Variants in SEMA6A observed in about 807,000 individuals in gnomAD.
SEMA6A encodes the protein semaphorin 6A.
SEMA6A carries 25 observed loss-of-function variants against 96.8 expected under a neutral mutation model. That is an observed-to-expected ratio of 0.26 (90% CI 0.19 to 0.36). The LOEUF is 0.36. Among genes scored for constraint, SEMA6A ranks in the 10% least tolerant of loss-of-function variants. The pLI is 1.00. For synonymous variants in SEMA6A, 612 were observed against 518.0 expected, an observed-to-expected ratio of 1.18 and a Z score of -2.46; for missense variants, 1,363 against 1,323.1, an observed-to-expected ratio of 1.03 and a Z score of -0.47.
At chr5:116,555,665 C>G (rs1275676598) in intron 1 of SEMA6A, among the ~76,000 whole-genome samples, 1 of 151,114 alleles carries the variant, frequency 6.6e-6, no homozygotes, top group Admixed American at 6.6e-5. Context: ...ATGGCAAGAC[C>G]CCCCCTCAAA....
intron 1 of SEMA6A, among the ~76,000 whole-genome samples, chr5:116,515,692 C>G (rs1758638257): frequency 6.6e-6 from 1 of 152,196 alleles, no homozygotes; most frequent in Non-Finnish European, 1.5e-5. Context: ...TCTGTTTACT[C>G]TCAGTATAGT....
intron 1 of SEMA6A, among the ~76,000 whole-genome samples, chr5:116,542,867 A>G (rs558966552): frequency 8.7e-4 from 132 of 152,170 alleles, no homozygotes; most frequent in African/African-American, 3.1e-3. Context: ...CCTGGCAATC[A>G]CTTCCTTTAA....
intron 18 of SEMA6A, among the ~76,000 whole-genome samples, chr5:116,460,565 T>C (rs1755321484): frequency 6.6e-6 from 1 of 152,166 alleles, no homozygotes; most frequent in Non-Finnish European, 1.5e-5. Context: ...TAAAAGTATG[T>C]CCTATGCAAT....
At chr5:116,477,106 TA>T (rs1261466313) in intron 15 of SEMA6A, among the ~76,000 whole-genome samples, 3 of 152,224 alleles carry the variant, frequency 2.0e-5, no homozygotes, top group Non-Finnish European at 4.4e-5. Flanking sequence ...TCTAACCTCC[TA>T]AACTGCCTGC....
chr5:116,470,178 T>G lies in SEMA6A; in HGVS notation c.1730-2431A>C, dbSNP rs145771739. On this transcript the variant is annotated intron_variant, in intron 17 of 18. Coordinates refer to ENST00000343348, the MANE Select transcript of SEMA6A (RefSeq NM_020796.5). ...AGTCCTCAGTTTGAATTCAAAGATG[T>G]GTTATTACCTCTCCAAGCTTAAAAA... Among the ~76,000 whole-genome samples, 849 of 152,262 alleles carry G rather than the reference T, an allele frequency of 5.6e-3. 11 individuals carry two copies. Among genetic ancestry groups the G allele is most frequent in the African/African-American group, 0.019 (778 of 41,556 alleles).
At chr5:116,478,311 CAT>C (rs749107554) in intron 13 of SEMA6A, 157 bp from the exon 14 acceptor site, 31 of 824,496 alleles carry the variant, frequency 3.8e-5, no homozygotes, top group Non-Finnish European at 5.5e-5. Flanking sequence ...TAAACACACA[CAT>C]GTATATGTAT....
chr5:116,448,766 A>AAAC (rs1754440877), intron 18 of SEMA6A, among the ~76,000 whole-genome samples: 3 of 151,600 alleles, frequency 2.0e-5, no homozygotes, highest in Non-Finnish European at 3.0e-5. Context: ...AAAAAAAAAA[A>AAAC]AAAAAAAAAA....
intron 1 of SEMA6A, among the ~76,000 whole-genome samples, chr5:116,510,907 C>A (rs758175089): frequency 6.6e-6 from 1 of 152,162 alleles, no homozygotes; most frequent in Non-Finnish European, 1.5e-5. Flanking sequence ...AAGTGGGGGT[C>A]TACTGAGTAT....
intron 18 of SEMA6A, among the ~76,000 whole-genome samples, chr5:116,452,643 T>G (rs185729360): frequency 2.2e-4 from 34 of 151,990 alleles, no homozygotes; most frequent in Admixed American, 5.9e-4. Flanking sequence ...TGTTAATAAA[T>G]TTTGAAATAT....
chr5:116,478,491 C>T, intron 13 of SEMA6A, 51 bp downstream of exon 13: 2 of 1,497,962 alleles, frequency 1.3e-6, no homozygotes, highest in Non-Finnish European at 1.8e-6. Context: ...TGAAAGGGGC[C>T]ATAATAGCAT....
Position 116,446,934 on chromosome 5 carries a change from C to T in SEMA6A, c.2772G>A (p.Ser924=), listed in dbSNP as rs537834032. The part of the protein sequence containing the change: ...VDYKRSYPTN[S]LTRSHQATTL... ...TGGTGGCCTGGTGGCTTCTCGTGAG[C>T]GAGTTCGTGGGGTAGCTCCTCTTAT... is the stretch of plus-strand genomic sequence containing the variant. Residue 924 remains serine (S), a synonymous_variant, in exon 19 of 19, where the codon TCG becomes TCA. Transcript: ENST00000343348. 1.3e-5 allele frequency: 21 copies of T among 1,613,798 alleles called. No homozygotes were observed. The highest frequency in any genetic ancestry group is 1.6e-4 in the Middle Eastern group (1 of 6,084).
At chr5:116,570,162 G>A (rs865822287) in intron 1 of SEMA6A, among the ~76,000 whole-genome samples, 2 of 152,158 alleles carry the variant, frequency 1.3e-5, no homozygotes, top group African/African-American at 4.8e-5. Context: ...TGCCCATTTC[G>A]AAGGGATTAA....
intron 1 of SEMA6A, among the ~76,000 whole-genome samples, chr5:116,544,176 C>T (rs1760090158): frequency 6.6e-6 from 1 of 152,196 alleles, no homozygotes; most frequent in Non-Finnish European, 1.5e-5. Context: ...TTCTGATCCA[C>T]TTTCCTAAGG....
chr5:116,573,363 C>T (rs911379709), intron 1 of SEMA6A, among the ~76,000 whole-genome samples: 2 of 152,098 alleles, frequency 1.3e-5, no homozygotes, highest in African/African-American at 4.8e-5. Context: ...TACCGTGCGC[C>T]AGCCCGGTGC....
intron 3 of SEMA6A, chr5:116,498,458 T>C (rs180826969): frequency 6.6e-6 from 1 of 151,752 alleles, no homozygotes; most frequent in Non-Finnish European, 1.5e-5. Flanking sequence ...CTTTTTGTTT[T>C]AGGAAAAATA....
chr5:116,480,139 G>A lies in SEMA6A; in HGVS notation c.1233C>T (p.Phe411=), dbSNP rs1265073341. The change falls in exon 12 of 19, where the codon TTC becomes TTT. Residue 411 remains phenylalanine (F), a synonymous_variant. Coordinates refer to ENST00000343348, the MANE Select transcript of SEMA6A (RefSeq NM_020796.5). ...ACACCCACCTGACCATTGTTCTCAG[G>A]AACCATGGCCTGTTGAAGATGGAGG... is the stretch of plus-strand genomic sequence containing the variant. ...AVPSIFNRPW[F]LRTMVRYRLT... 1.9e-6 allele frequency: 3 copies of A among 1,613,642 alleles called. No homozygotes were observed. Among genetic ancestry groups the A allele is most frequent in the Non-Finnish European group, 2.5e-6 (3 of 1,179,772 alleles).
At chr5:116,482,637 C>T in intron 10 of SEMA6A, 62 bp from the exon 11 acceptor site, 1 of 1,570,224 alleles carries the variant, frequency 6.4e-7, no homozygotes, top group Non-Finnish European at 8.7e-7. Flanking sequence ...TGGTTTGGAA[C>T]ATACTCCAGA....
chr5:116,478,627 A>T lies in SEMA6A; in HGVS notation c.1342T>A (p.Leu448Met), dbSNP rs751309297. The T allele has an allele frequency of 1.2e-6, 2 of 1,613,692 alleles. No individual in the cohort carries two copies. Among genetic ancestry groups the T allele is most frequent in the Non-Finnish European group, 1.7e-6 (2 of 1,179,814 alleles). Residue 448 changes from leucine (L) to methionine (M), a missense_variant, in exon 13 of 19, where the codon TTG becomes ATG. Coordinates refer to ENST00000343348, the MANE Select transcript of SEMA6A (RefSeq NM_020796.5). ...TTTCCTATTCTGGCCAAAAACTTCA[A>T]GATGATTCCCTTCTCTGATCCCAGA... ...VFLGSEKGII[L>M]KFLARIGNSG...
At position 116,574,402 on chromosome 5, in the gene SEMA6A, A is replaced by G. The variant is rs906712281; in HGVS notation, c.-256T>C. 1 of 152,396 alleles carries G rather than the reference A, an allele frequency of 6.6e-6. No individual in the cohort carries two copies. Among genetic ancestry groups the G allele is most frequent in the Non-Finnish European group, 1.5e-5 (1 of 67,976 alleles). 9.4% of individuals were successfully genotyped at this position (152,396 alleles called of 1,614,324 possible). A position where few individuals can be genotyped will look rare whatever the true frequency, so the allele number is the denominator to read the frequency against. ...ATGCAAACGCGATGTGTTCATCTCC[A>G]ATGACGAGCGGAGAAGGGGAGAGGA... On this transcript the variant is annotated 5_prime_UTR_variant, in exon 1 of 19. Coordinates refer to ENST00000343348, the MANE Select transcript of SEMA6A (RefSeq NM_020796.5).
Sources: gnomAD v4.1 joint callset for allele counts (sites outside exome capture counted in the v4.1 genomes callset) on GRCh38, gnomAD v4.1.1 for gene constraint, MANE v1.5 for transcripts, NCBI Gene and HGNC (gene_info 2026-07-23, HGNC 2026-07-21) for gene names.